The following THRB variants were observed in gnomAD, a reference collection of about 807,000 sequenced individuals.
THRB encodes the protein nuclear receptor subfamily 1 group A member 2.
Under a neutral mutation model 47.8 loss-of-function variants are expected in THRB, and 12 were observed. That is an observed-to-expected ratio of 0.25 (90% CI 0.16 to 0.41). The LOEUF (loss-of-function observed/expected upper bound fraction) is 0.41. Ranked by LOEUF, THRB falls within the 10% of genes least tolerant of loss-of-function variation. THRB has a pLI of 1.00. For synonymous variants in THRB, 218 were observed against 212.2 expected (o/e 1.03, Z -0.24); for missense variants, 348 against 589.2 (o/e 0.59, Z 4.24).
chr3:24,342,712 G>A (rs1416576615), intron 1 of THRB, among the ~76,000 whole-genome samples: 2 of 152,078 alleles, frequency 1.3e-5, no homozygotes, highest in South Asian at 4.1e-4. Context: ...GCTGTGCAAG[G>A]TACCATACAA....
intron 9 of THRB, among the ~76,000 whole-genome samples, chr3:24,129,922 A>G (rs1413835671): frequency 6.6e-6 from 1 of 152,190 alleles, no homozygotes; most frequent in Non-Finnish European, 1.5e-5. Context: ...TGGATCTTAG[A>G]ACAATTATCA....
At chr3:24,190,948 A>G (rs935675843) in intron 4 of THRB, among the ~76,000 whole-genome samples, 2 of 152,146 alleles carry the variant, frequency 1.3e-5, no homozygotes, top group African/African-American at 4.8e-5. Context: ...GTAGAGTCCC[A>G]AGTTGGCAAT....
intron 1 of THRB, among the ~76,000 whole-genome samples, chr3:24,419,848 A>G (rs1179566950): frequency 4.0e-5 from 6 of 151,854 alleles, no homozygotes; most frequent in Admixed American, 3.9e-4. Context: ...GTATTTCTGC[A>G]GAGGTAGAAA....
chr3:24,405,657 G>A (rs975857189), intron 1 of THRB, among the ~76,000 whole-genome samples: 1 of 151,362 alleles, frequency 6.6e-6, no homozygotes, highest in Non-Finnish European at 1.5e-5. Flanking sequence ...CTTTTCTTTT[G>A]ATATAATTAT....
At chr3:24,224,572 A>G (rs1235719355) in intron 4 of THRB, among the ~76,000 whole-genome samples, 1 of 152,150 alleles carries the variant, frequency 6.6e-6, no homozygotes, top group Non-Finnish European at 1.5e-5. Context: ...AACCTAAGGG[A>G]CACCTGAAGG....
intron 1 of THRB, among the ~76,000 whole-genome samples, chr3:24,339,750 C>T (rs887008412): frequency 3.9e-5 from 6 of 152,124 alleles, no homozygotes; most frequent in African/African-American, 9.7e-5. Context: ...CTTAAACATA[C>T]CCATTTTCAG....
intron 3 of THRB, among the ~76,000 whole-genome samples, chr3:24,229,682 CA>C (rs2048053443): frequency 6.6e-6 from 1 of 152,136 alleles, no homozygotes; most frequent in African/African-American, 2.4e-5. Context: ...GGAAGAATGC[CA>C]AGGAAGGGTG....
At chr3:24,195,313 C>T (rs2043827518) in intron 4 of THRB, among the ~76,000 whole-genome samples, 1 of 152,208 alleles carries the variant, frequency 6.6e-6, no homozygotes, top group South Asian at 2.1e-4. Flanking sequence ...AAGAGAAGCA[C>T]TTCACCTGCT....
intron 2 of THRB, among the ~76,000 whole-genome samples, chr3:24,299,023 G>A (rs1010086908): frequency 1.1e-4 from 16 of 151,730 alleles, no homozygotes; most frequent in Admixed American, 8.5e-4. Flanking sequence ...CCAGGCGGGC[G>A]GATCACGAGG....
chr3:24,194,995 TA>T (rs1262263698), intron 4 of THRB, among the ~76,000 whole-genome samples: 2 of 152,178 alleles, frequency 1.3e-5, no homozygotes, highest in African/African-American at 2.4e-5. Flanking sequence ...TATTCTGCAT[TA>T]GGGGTGTGTG....
intron 1 of THRB, among the ~76,000 whole-genome samples, chr3:24,375,340 T>TTTAGACATATAATATTAATATATTATAG: frequency 7.1e-6 from 1 of 141,758 alleles, no homozygotes; most frequent in African/African-American, 2.7e-5. Flanking sequence ...TATTATTATA[T>TTTAGACATATAATATTAATATATTATAG]TTAGACATAT....
intron 1 of THRB, among the ~76,000 whole-genome samples, chr3:24,392,726 T>C (rs1184362923): frequency 4.6e-5 from 7 of 152,180 alleles, no homozygotes; most frequent in Non-Finnish European, 1.0e-4. Flanking sequence ...TTTTAGTCTT[T>C]ACATAGTTAT....
chr3:24,304,054 T>TC (rs60482953), intron 2 of THRB, among the ~76,000 whole-genome samples: 2 of 152,058 alleles, frequency 1.3e-5, no homozygotes, highest in Non-Finnish European at 2.9e-5. Context: ...TATTTTTTTT[T>TC]AGTCTGTATT....
intron 4 of THRB, among the ~76,000 whole-genome samples, chr3:24,204,690 C>A (rs1481699614): frequency 6.6e-6 from 1 of 152,004 alleles, no homozygotes; most frequent in Non-Finnish European, 1.5e-5. Flanking sequence ...AGGCTTCAGA[C>A]AATCAAACTT....
chr3:24,482,483 G>GATTC (rs113661840), intron 1 of THRB, among the ~76,000 whole-genome samples: 4,143 of 150,540 alleles, frequency 0.028, 82 homozygotes, highest in Non-Finnish European at 0.041. Context: ...ACCACTTCCT[G>GATTC]ATTCATTCAT....
chr3:24,245,926 G>A (rs112055126), intron 3 of THRB, among the ~76,000 whole-genome samples: 2 of 151,626 alleles, frequency 1.3e-5, no homozygotes, highest in African/African-American at 4.9e-5. Context: ...ACAATACAAA[G>A]CAAAACAAAA....
chr3:24,492,820 A>G lies in THRB; in HGVS notation c.-261+1832T>C, dbSNP rs111264452. Among the ~76,000 whole-genome samples the G allele has an allele frequency of 5.6e-3, 851 of 152,362 alleles. 8 individuals are homozygous for G. The highest frequency in any genetic ancestry group is 0.019 in the African/African-American group (785 of 41,582). On this transcript the variant is annotated intron_variant, in intron 1 of 10. Coordinates refer to ENST00000646209, the MANE Select transcript of THRB (RefSeq NM_001354712.2). Reference sequence around the variant, plus strand: ...CTTTATGTAACAATATTCCAATGTCAATAAAAGTATACCTTTGCATTGTAA... The same window carrying G: ...CTTTATGTAACAATATTCCAATGTCGATAAAAGTATACCTTTGCATTGTAA...
intron 5 of THRB, chr3:24,165,296 T>C (rs1453299059): frequency 1.3e-6 from 1 of 765,004 alleles, no homozygotes; most frequent in Non-Finnish European, 2.4e-6. Flanking sequence ...GGACTGCATG[T>C]AGCAATTGCT....
chr3:24,164,604 A>G (rs1016713761), intron 5 of THRB, among the ~76,000 whole-genome samples: 1 of 152,228 alleles, frequency 6.6e-6, no homozygotes, highest in Admixed American at 6.5e-5. Context: ...CTAGTCAACT[A>G]AAATAAACTT....
Sources: allele counts gnomAD v4.1 joint callset (sites outside exome capture counted in the v4.1 genomes callset), GRCh38; gene constraint gnomAD v4.1.1; transcripts MANE v1.5; gene names NCBI Gene and HGNC (gene_info 2026-07-23, HGNC 2026-07-21).